Variants in HLF observed in about 807,000 individuals in gnomAD.
The protein encoded by HLF is HLF transcription factor, PAR bZIP family member, also known as hepatic leukemia factor.
In HLF, 3 loss-of-function variants were observed where a neutral mutation model predicts 22.6. That is an observed-to-expected ratio of 0.13 (90% CI 0.06 to 0.34). HLF has a LOEUF of 0.34. HLF is among the 10% of genes least tolerant of loss of function. HLF has a pLI of 1.00. For missense variants in HLF, 299 were observed against 389.2 expected (o/e 0.77, Z 1.95); for synonymous variants, 151 against 151.8 (o/e 0.99, Z 0.04).
At chr17:55,293,254 T>TA (rs1426535226) in intron 2 of HLF, among the ~76,000 whole-genome samples, 4 of 120,796 alleles carry the variant, frequency 3.3e-5, no homozygotes, top group Non-Finnish European at 5.2e-5. Flanking sequence ...ATACATTTTT[T>TA]TAATTAAGAT....
rs1905227148 is a variant in HLF, at chr17:55,320,513, A to T, written c.673-151A>T. ...TGGCTCATGGGCCACACTCTCAGAC[A>T]TGCAGAAACTGTAAAGGAAGGAGAC... On this transcript the variant is annotated intron_variant, in intron 3 of 3. Coordinates refer to ENST00000226067, the MANE Select transcript of HLF (RefSeq NM_002126.5). This position sits in a 1 kb window ranked among gnomAD's most constrained non-coding sequence, Gnocchi z 4.2. The T allele has an allele frequency of 1.6e-6, 1 of 639,288 alleles. No homozygotes were observed. Among genetic ancestry groups the T allele is most frequent in the African/African-American group, 1.8e-5 (1 of 54,320 alleles). The allele number at this position is 639,288 out of a possible 1,614,324, so 39.6% of individuals were successfully genotyped here.
At chr17:55,267,657 T>C (rs911845030) in intron 1 of HLF, 94 bp from the exon 2 acceptor site, 3 of 841,730 alleles carry the variant, frequency 3.6e-6, no homozygotes, top group Non-Finnish European at 1.8e-6. Flanking sequence ...TCGTGAGAAA[T>C]AGTCTTATAA....
In HLF at chr17:55,302,023, T is replaced by C. The variant is rs116625940; in HGVS notation, c.452-13204T>C. Among the ~76,000 whole-genome samples, 255 of 152,362 alleles carry C rather than the reference T, an allele frequency of 1.7e-3. 1 individual carries two copies. The highest frequency in any genetic ancestry group is 5.8e-3 in the African/African-American group (243 of 41,580). On this transcript the variant is annotated intron_variant, in intron 2 of 3. Coordinates refer to ENST00000226067, the MANE Select transcript of HLF (RefSeq NM_002126.5). ...CTGAGGACTAATCTCAAGGTTCCCA[T>C]AACTGATGGGGTCTTTGGATTCCAA...
intron 2 of HLF, among the ~76,000 whole-genome samples, chr17:55,289,631 C>G (rs1264034753): frequency 1.3e-5 from 2 of 152,124 alleles, no homozygotes; most frequent in African/African-American, 4.8e-5. Context: ...AAATACAGAA[C>G]AATTTTTTTA....
chr17:55,265,432 G>GTTAT lies in HLF; in HGVS notation c.-51_-50insATTT. 1.6e-6 allele frequency: 1 copy of GTTAT among 616,038 alleles called. No individual in the cohort carries two copies. Among genetic ancestry groups the GTTAT allele is most frequent in the East Asian group, 3.2e-5 (1 of 31,236 alleles). 38.2% of individuals were successfully genotyped at this position (616,038 alleles called of 1,614,324 possible). ...AAGCTCAGCAACATTTTAGGGGGCG[G>GTTAT]TTGTTTCTTTCTTATTTCTTTTTTT... On this transcript the variant is annotated 5_prime_UTR_variant, in exon 1 of 4. Transcript: ENST00000226067.
At chr17:55,313,596 G>A (rs1904938460) in intron 2 of HLF, among the ~76,000 whole-genome samples, 1 of 152,016 alleles carries the variant, frequency 6.6e-6, no homozygotes, top group African/African-American at 2.4e-5. Context: ...GGGTAGCTTT[G>A]TTATTAAGTT....
At chr17:55,319,295 A>T (rs1905182010) in intron 3 of HLF, among the ~76,000 whole-genome samples, 1 of 151,792 alleles carries the variant, frequency 6.6e-6, no homozygotes, top group Non-Finnish European at 1.5e-5. Context: ...TTTGGCCCCA[A>T]CCCATGTGAC....
rs138683158 is a variant in HLF at position 55,312,325 on chromosome 17, T to C, written c.452-2902T>C. Among the ~76,000 whole-genome samples, 418 of 152,358 alleles carry C rather than the reference T, an allele frequency of 2.7e-3. 4 individuals carry two copies. Among genetic ancestry groups the C allele is most frequent in the African/African-American group, 9.2e-3 (384 of 41,588 alleles). ...CCTTTTCTCTGCAACCTCACCAACA[T>C]CTGTTATTTCTTGACTTTTTAATAG... is the stretch of plus-strand genomic sequence containing the variant. On this transcript the variant is annotated intron_variant, in intron 2 of 3. Coordinates refer to ENST00000226067, the MANE Select transcript of HLF (RefSeq NM_002126.5).
intron 2 of HLF, among the ~76,000 whole-genome samples, chr17:55,293,288 G>T (rs1446158759): frequency 6.6e-6 from 1 of 152,120 alleles, no homozygotes; most frequent in Non-Finnish European, 1.5e-5. Context: ...TGTGCCTGAG[G>T]AGTTATAGGG....
In HLF at chr17:55,324,513, C is replaced by A. The variant is rs755899222; in HGVS notation, c.*3634C>A. ...TTTATCACAGTCAATTAGAGCGATC[C>A]CAAGGCATGGGACCAGGCCTGCTTG... On this transcript the variant is annotated 3_prime_UTR_variant, in exon 4 of 4. Coordinates refer to ENST00000226067, the MANE Select transcript of HLF (RefSeq NM_002126.5). 4.3e-6 allele frequency: 1 copy of A among 231,892 alleles called. No individual in the cohort carries two copies. The highest frequency in any genetic ancestry group is 2.2e-5 in the African/African-American group (1 of 45,238). 14.4% of individuals were successfully genotyped at this position (231,892 alleles called of 1,614,324 possible).
chr17:55,299,830 T>C (rs1458670848), intron 2 of HLF, among the ~76,000 whole-genome samples: 1 of 150,974 alleles, frequency 6.6e-6, no homozygotes, highest in African/African-American at 2.5e-5. Context: ...CTCATTTGCT[T>C]TTTTTCCTTC....
intron 2 of HLF, among the ~76,000 whole-genome samples, chr17:55,289,556 A>G (rs1310085888): frequency 6.6e-6 from 1 of 152,252 alleles, no homozygotes; most frequent in Non-Finnish European, 1.5e-5. Flanking sequence ...AGTTCTCTGC[A>G]TAAAATAGTG....
At position 55,320,080 on chromosome 17, in the gene HLF, A is replaced by C. The variant is rs962249734; in HGVS notation, c.673-584A>C. On this transcript the variant is annotated intron_variant, in intron 3 of 3. Coordinates refer to ENST00000226067, the MANE Select transcript of HLF (RefSeq NM_002126.5). The surrounding 1 kb of genome is among the most constrained non-coding windows in gnomAD (Gnocchi z 4.2). ...TCATAACGTGGTTGTTAAATCTCCTATGCATAGTTTTTCCTCATTTTTTCT... is the reference window on the plus strand; with the variant it reads ...TCATAACGTGGTTGTTAAATCTCCTCTGCATAGTTTTTCCTCATTTTTTCT... 2.6e-5 allele frequency among the ~76,000 whole-genome samples: 4 copies of C among 152,126 alleles called. No homozygotes were observed. The highest frequency in any genetic ancestry group is 5.9e-5 in the Non-Finnish European group (4 of 68,030).
Position 55,320,856 on chromosome 17 carries a change from G to A in HLF, c.865G>A (p.Glu289Lys). The A allele has an allele frequency of 6.2e-7, 1 of 1,612,920 alleles. No individual in the cohort carries two copies. The highest frequency in any genetic ancestry group is 8.5e-7 in the Non-Finnish European group (1 of 1,179,722). ...GKCKNILAKY[E>K]ARHGPL The stretch of plus-strand genomic sequence containing the variant: ...ATGCAAGAACATACTTGCCAAGTAT[G>A]AGGCCAGGCACGGGCCCCTGTAGGA... The change falls in exon 4 of 4, where the codon GAG becomes AAG. Residue 289 changes from glutamate to lysine, a missense_variant. Glu to Lys is a moderately conservative substitution (Grantham distance 56, BLOSUM62 1). This residue lies in a region of HLF where 224 missense variants were observed against 298.1 expected (regional missense o/e 0.75). Coordinates refer to ENST00000226067, the MANE Select transcript of HLF (RefSeq NM_002126.5). This position sits in a 1 kb window ranked among gnomAD's most constrained non-coding sequence, Gnocchi z 4.2.
chr17:55,307,846 A>C (rs1481341492), intron 2 of HLF, among the ~76,000 whole-genome samples: 1 of 149,810 alleles, frequency 6.7e-6, no homozygotes, highest in Non-Finnish European at 1.5e-5. Flanking sequence ...AAAAAAAAAA[A>C]CATCAAACAG....
chr17:55,318,781 C>T (rs1003685856), intron 3 of HLF, among the ~76,000 whole-genome samples: 5 of 152,296 alleles, frequency 3.3e-5, no homozygotes, highest in African/African-American at 1.2e-4. Flanking sequence ...GATTGGAACC[C>T]AGGCTTCTAT....
Position 55,315,241 on chromosome 17 carries a change from G to T in HLF, c.466G>T (p.Ala156Ser), listed in dbSNP as rs375544785. 24 of 1,613,984 alleles carry T rather than the reference G, an allele frequency of 1.5e-5. No individual in the cohort carries two copies. The highest frequency in any genetic ancestry group is 1.9e-5 in the Non-Finnish European group (23 of 1,179,984). ...TGTTGTTCCAGGTCAGCTGTTGCCA[G>T]CAAACCGCAATACACCAAGTCCCAT... The part of the protein sequence containing the change: ...SPIRPGQLLP[A>S]NRNTPSPIDP... The change falls in exon 3 of 4, where the codon GCA becomes TCA. Residue 156 changes from alanine to serine, a missense_variant. Around this residue, in one of 3 missense-constraint regions of HLF, gnomAD observed 224 missense variants for 298.1 expected, o/e 0.75. Transcript: ENST00000226067.
chr17:55,297,965 G>C (rs2145343446), intron 2 of HLF, among the ~76,000 whole-genome samples: 1 of 151,948 alleles, frequency 6.6e-6, no homozygotes, highest in Admixed American at 6.6e-5. Flanking sequence ...GGTTGGGCTG[G>C]TCTCGAACTC....
chr17:55,290,765 G>T (rs979072444), intron 2 of HLF, among the ~76,000 whole-genome samples: 1 of 152,170 alleles, frequency 6.6e-6, no homozygotes, highest in Non-Finnish European at 1.5e-5. Context: ...TTGAAGGTAG[G>T]TCGAAAGCCA....
Sources: allele counts gnomAD v4.1 joint callset (sites outside exome capture counted in the v4.1 genomes callset), GRCh38; gene constraint gnomAD v4.1.1; regional missense constraint gnomAD v4.1.1; non-coding constraint Gnocchi (gnomAD v3.1); transcripts MANE v1.5; gene names NCBI Gene and HGNC (gene_info 2026-07-23, HGNC 2026-07-21).